The following ZFHX3 variants were observed in gnomAD, a reference collection of about 807,000 sequenced individuals.
ZFHX3 encodes the protein zinc finger homeobox protein 3.
A neutral mutation model predicts 279.1 loss-of-function variants in ZFHX3; 42 were observed. The ratio of observed to expected loss-of-function variants is 0.15; its 90% CI spans 0.12 to 0.19. ZFHX3 has a LOEUF of 0.19. Ranked by LOEUF, ZFHX3 falls within the 10% of genes least tolerant of loss-of-function variation. The pLI, the probability that ZFHX3 is intolerant of heterozygous loss-of-function variation, is 1.00. For synonymous variants in ZFHX3, 2,293 were observed against 1,957.8 expected, an observed-to-expected ratio of 1.17 and a Z score of -4.52; for missense variants, 4,981 against 4,754.0, an observed-to-expected ratio of 1.05 and a Z score of -1.40.
At chr16:72,801,557 T>C (rs1400391227) in intron 7 of ZFHX3, among the ~76,000 whole-genome samples, 1 of 152,124 alleles carries the variant, frequency 6.6e-6, no homozygotes. Context: ...GCAACCCAGA[T>C]GCCAGCGGGT....
chr16:72,939,291 G>A (rs1960293898), intron 3 of ZFHX3, among the ~76,000 whole-genome samples: 1 of 152,108 alleles, frequency 6.6e-6, no homozygotes, highest in African/African-American at 2.4e-5. Context: ...AAAAACATCC[G>A]ATGCTGCTCA....
chr16:73,851,564 G>A (rs1961594324), intron 1 of ZFHX3, among the ~76,000 whole-genome samples: 1 of 152,138 alleles, frequency 6.6e-6, no homozygotes, highest in South Asian at 2.1e-4. Flanking sequence ...GTAAACTCAC[G>A]TATAAAAATT....
chr16:73,685,429 G>A (rs2053072769), intron 1 of ZFHX3, among the ~76,000 whole-genome samples: 1 of 152,222 alleles, frequency 6.6e-6, no homozygotes, highest in Non-Finnish European at 1.5e-5. Flanking sequence ...CAGGCCATGA[G>A]CCAAGGAATA....
At chr16:72,924,498 A>T (rs778344914) in intron 3 of ZFHX3, among the ~76,000 whole-genome samples, 8 of 152,198 alleles carry the variant, frequency 5.3e-5, no homozygotes, top group Non-Finnish European at 1.2e-4. Flanking sequence ...GGGTTTTGAC[A>T]TAAGTTGTTT....
chr16:73,441,846 C>A (rs1369675934), intron 3 of ZFHX3, among the ~76,000 whole-genome samples: 2 of 152,198 alleles, frequency 1.3e-5, no homozygotes, highest in African/African-American at 4.8e-5. Context: ...AAAGTCAAAT[C>A]TGCAAAACTA....
intron 2 of ZFHX3, among the ~76,000 whole-genome samples, chr16:73,484,136 A>G (rs567155823): frequency 1.3e-5 from 2 of 152,208 alleles, no homozygotes; most frequent in East Asian, 1.9e-4. Context: ...GTTGTGCAGC[A>G]GTAAAGACTT....
intron 7 of ZFHX3, among the ~76,000 whole-genome samples, chr16:73,108,526 C>T (rs73591201): frequency 0.034 from 5,140 of 152,152 alleles, 281 homozygotes; most frequent in African/African-American, 0.12. Context: ...ACCTTGACCT[C>T]ACAAAGTGCT....
chr16:73,225,404 C>T (rs1018223110), intron 5 of ZFHX3, among the ~76,000 whole-genome samples: 1 of 151,918 alleles, frequency 6.6e-6, no homozygotes, highest in Admixed American at 6.6e-5. Flanking sequence ...ATGCTTGAGT[C>T]CAGGAGTTTG....
Position 73,581,019 on chromosome 16 carries a change from AAG to A in ZFHX3, c.-1547+99159_-1547+99160del, listed in dbSNP as rs377040611. Among the ~76,000 whole-genome samples, 151 of 151,990 alleles carry A rather than the reference AAG, an allele frequency of 9.9e-4. 4 individuals are homozygous for A. Among genetic ancestry groups the A allele is most frequent in the African/African-American group, 3.6e-3 (147 of 41,260 alleles). On this transcript the variant is annotated intron_variant, in intron 2 of 17. Coordinates refer to the ZFHX3 transcript ENST00000641206. ...TATTTAGAGATCACAGTCTGGACAC[AAG>A]GTGTGTTCATTACTTTGGGGTTGCC...
At chr16:73,546,671 TTGCTGCTGC>T (rs57427757) in intron 2 of ZFHX3, among the ~76,000 whole-genome samples, 23,841 of 143,238 alleles carry the variant, frequency 0.17, 2,137 homozygotes, top group Middle Eastern at 0.29. Context: ...GGTGCTGCTG[TTGCTGCTGC>T]TGCTGCTGCT....
intron 5 of ZFHX3, among the ~76,000 whole-genome samples, chr16:73,166,845 G>A (rs1158309419): frequency 6.6e-6 from 1 of 152,136 alleles, no homozygotes; most frequent in East Asian, 1.9e-4. Context: ...AGTCACCTGA[G>A]GACCCTCCAG....
At chr16:73,814,004 TGTAA>T (rs1960495285) in intron 1 of ZFHX3, 1 of 152,372 alleles carries the variant, frequency 6.6e-6, no homozygotes, top group South Asian at 2.1e-4. Flanking sequence ...ACTCTTAAGT[TGTAA>T]GTGAGTTTGC....
chr16:73,738,476 T>G (rs1048455745), intron 1 of ZFHX3, among the ~76,000 whole-genome samples: 8 of 152,216 alleles, frequency 5.3e-5, no homozygotes, highest in Middle Eastern at 3.2e-3. Context: ...CCATTAGACC[T>G]TGCTGTCTGC....
At chr16:73,024,651 GC>G (rs1291371983) in intron 1 of ZFHX3, among the ~76,000 whole-genome samples, 4 of 152,156 alleles carry the variant, frequency 2.6e-5, no homozygotes, top group African/African-American at 9.7e-5. Context: ...CCCCTAAACC[GC>G]CATGTGTCAG....
At chr16:73,267,148 G>A (rs1461278327) in intron 4 of ZFHX3, among the ~76,000 whole-genome samples, 2 of 152,190 alleles carry the variant, frequency 1.3e-5, no homozygotes, top group African/African-American at 4.8e-5. Flanking sequence ...ATCTATGGCA[G>A]ATACGTTTGC....
At chr16:73,832,254 G>C (rs562879489) in intron 1 of ZFHX3, among the ~76,000 whole-genome samples, 1 of 151,886 alleles carries the variant, frequency 6.6e-6, no homozygotes, top group African/African-American at 2.4e-5. Context: ...TTTGACCCAG[G>C]TGGCAGCAAT....
chr16:72,844,985 A>G (rs934197235), intron 4 of ZFHX3, among the ~76,000 whole-genome samples: 1 of 152,172 alleles, frequency 6.6e-6, no homozygotes, highest in East Asian at 1.9e-4. Context: ...ACAGAACTGA[A>G]GGTGAACAAA....
intron 5 of ZFHX3, among the ~76,000 whole-genome samples, chr16:73,188,765 T>C (rs1967967673): frequency 6.6e-6 from 1 of 152,168 alleles, no homozygotes; most frequent in Admixed American, 6.5e-5. Context: ...TTCCCAGGGG[T>C]AGGATTTGTT....
At chr16:73,381,445 G>C (rs2016816206) in intron 3 of ZFHX3, among the ~76,000 whole-genome samples, 1 of 152,206 alleles carries the variant, frequency 6.6e-6, no homozygotes, top group Admixed American at 6.5e-5. Flanking sequence ...TGGGCAGAGA[G>C]AGAGAGAGAC....
Sources: allele counts gnomAD v4.1 joint callset (sites outside exome capture counted in the v4.1 genomes callset), GRCh38; gene constraint gnomAD v4.1.1; transcripts MANE v1.5; gene names NCBI Gene and HGNC (gene_info 2026-07-23, HGNC 2026-07-21).